GRIK2: variants seen among roughly 807,000 people sequenced by gnomAD.
The protein encoded by GRIK2 is glutamate receptor ionotropic, kainate 2.
Under a neutral mutation model 100.3 loss-of-function variants are expected in GRIK2, and 32 were observed. The ratio of observed to expected loss-of-function variants is 0.32; its 90% CI spans 0.24 to 0.43. GRIK2 has a LOEUF of 0.43. Ranked by LOEUF, GRIK2 falls within the 20% of genes least tolerant of loss-of-function variation. GRIK2 has a pLI of 1.00. For missense variants in GRIK2, 843 were observed against 1,114.9 expected, an observed-to-expected ratio of 0.76 and a Z score of 3.47; for synonymous variants, 417 against 389.4, an observed-to-expected ratio of 1.07 and a Z score of -0.83.
At chr6:101,955,678 C>T (rs1361068959) in intron 14 of GRIK2, among the ~76,000 whole-genome samples, 4 of 146,442 alleles carry the variant, frequency 2.7e-5, no homozygotes, top group Admixed American at 2.1e-4. Context: ...TTATCCATTT[C>T]ATCTATATTG....
intron 7 of GRIK2, among the ~76,000 whole-genome samples, chr6:101,707,862 C>G (rs1464946071): frequency 2.6e-5 from 4 of 151,478 alleles, no homozygotes; most frequent in Non-Finnish European, 4.4e-5. Context: ...TATCATTGAT[C>G]AGTAATATAG....
At chr6:101,502,840 T>G (rs540375256) in intron 2 of GRIK2, among the ~76,000 whole-genome samples, 1 of 152,282 alleles carries the variant, frequency 6.6e-6, no homozygotes, top group East Asian at 1.9e-4. Context: ...TTCAGGGTTT[T>G]CATTATCTCA....
chr6:101,944,774 AT>A (rs1043464160), intron 14 of GRIK2, among the ~76,000 whole-genome samples: 15 of 152,032 alleles, frequency 9.9e-5, no homozygotes, highest in Non-Finnish European at 1.6e-4. Context: ...GATTTTTCAC[AT>A]TTTTTTAAAG....
intron 2 of GRIK2, among the ~76,000 whole-genome samples, chr6:101,423,366 C>G (rs949816161): frequency 6.6e-6 from 1 of 152,156 alleles, no homozygotes; most frequent in East Asian, 1.9e-4. Flanking sequence ...TTTGGATAGA[C>G]TTCCCTCGTG....
intron 2 of GRIK2, among the ~76,000 whole-genome samples, chr6:101,461,329 A>G (rs1771296274): frequency 6.6e-6 from 1 of 152,156 alleles, no homozygotes; most frequent in East Asian, 1.9e-4. Flanking sequence ...TCTTGGGGAG[A>G]TAATGTTTTC....
intron 2 of GRIK2, among the ~76,000 whole-genome samples, chr6:101,514,964 T>A (rs1774510428): frequency 6.6e-6 from 1 of 152,098 alleles, no homozygotes; most frequent in Non-Finnish European, 1.5e-5. Context: ...AAGTTTTTTA[T>A]TGGTGATTTG....
intron 14 of GRIK2, among the ~76,000 whole-genome samples, chr6:101,991,214 T>C (rs1794352413): frequency 6.6e-6 from 1 of 151,796 alleles, no homozygotes; most frequent in Admixed American, 6.6e-5. Flanking sequence ...GACTTTATCG[T>C]ATGCCAGACA....
chr6:101,869,136 G>C (rs1477161151), intron 11 of GRIK2, among the ~76,000 whole-genome samples: 1 of 151,782 alleles, frequency 6.6e-6, no homozygotes, highest in Non-Finnish European at 1.5e-5. Context: ...TTCTACCTGA[G>C]GGATGTTATC....
At chr6:102,006,071 C>G (rs1021599492) in intron 14 of GRIK2, among the ~76,000 whole-genome samples, 30 of 151,936 alleles carry the variant, frequency 2.0e-4, no homozygotes, top group African/African-American at 7.3e-4. Flanking sequence ...TCTCCAAATA[C>G]AAGCACATTC....
chr6:101,792,021 G>C (rs919345512), intron 7 of GRIK2, among the ~76,000 whole-genome samples: 5 of 151,952 alleles, frequency 3.3e-5, no homozygotes, highest in African/African-American at 1.2e-4. Flanking sequence ...CAGAGACTAG[G>C]ATTGCAACCC....
At chr6:102,065,883 A>G (rs966374876) in intron 16 of GRIK2, 4 of 1,445,428 alleles carry the variant, frequency 2.8e-6, no homozygotes, top group Non-Finnish European at 3.7e-6. Context: ...CATCATCACC[A>G]TCTTCATCAT....
chr6:101,575,472 A>C (rs865938740), intron 2 of GRIK2, among the ~76,000 whole-genome samples: 74 of 152,118 alleles, frequency 4.9e-4, no homozygotes, highest in African/African-American at 1.7e-3. Context: ...GCAGTTTTTG[A>C]GACATTTCTG....
At chr6:101,885,125 C>G (rs145739441) in intron 11 of GRIK2, among the ~76,000 whole-genome samples, 2 of 152,208 alleles carry the variant, frequency 1.3e-5, no homozygotes, top group African/African-American at 4.8e-5. Context: ...TCAAATTTCT[C>G]ATATCTTATT....
intron 7 of GRIK2, among the ~76,000 whole-genome samples, chr6:101,794,894 C>A (rs1280325065): frequency 7.0e-6 from 1 of 143,312 alleles, no homozygotes; most frequent in Admixed American, 7.1e-5. Flanking sequence ...GAGACGGAGT[C>A]TCACTTTGTC....
intron 14 of GRIK2, among the ~76,000 whole-genome samples, chr6:102,029,040 C>A (rs1245870741): frequency 6.6e-6 from 1 of 151,168 alleles, no homozygotes; most frequent in Non-Finnish European, 1.5e-5. Flanking sequence ...TTAGGTACTA[C>A]ATTCTTTTGG....
chr6:101,468,276 G>C (rs1392652220), intron 2 of GRIK2, among the ~76,000 whole-genome samples: 1 of 152,068 alleles, frequency 6.6e-6, no homozygotes, highest in Non-Finnish European at 1.5e-5. Context: ...ACAGCAATGA[G>C]GTAAGTGGAG....
intron 7 of GRIK2, among the ~76,000 whole-genome samples, chr6:101,730,820 A>G (rs1019881537): frequency 6.6e-6 from 1 of 151,804 alleles, no homozygotes; most frequent in Non-Finnish European, 1.5e-5. Flanking sequence ...ATTTTTTTTT[A>G]AAAATGAGAG....
At chr6:102,000,257 G>C (rs1794865311) in intron 14 of GRIK2, among the ~76,000 whole-genome samples, 2 of 143,840 alleles carry the variant, frequency 1.4e-5, no homozygotes, top group Non-Finnish European at 3.0e-5. Flanking sequence ...CCTGGGCATA[G>C]AGTTTTCTTT....
intron 14 of GRIK2, among the ~76,000 whole-genome samples, chr6:102,003,335 C>T (rs1049642281): frequency 2.6e-5 from 4 of 151,698 alleles, no homozygotes; most frequent in Admixed American, 6.6e-5. Flanking sequence ...CATATATACA[C>T]GCACTCATGC....
Sources: gnomAD v4.1 joint callset for allele counts (sites outside exome capture counted in the v4.1 genomes callset) on GRCh38, gnomAD v4.1.1 for gene constraint, MANE v1.5 for transcripts, NCBI Gene and HGNC (gene_info 2026-07-23, HGNC 2026-07-21) for gene names.